Variants in NFIL3 observed in about 807,000 individuals in gnomAD.
The protein encoded by NFIL3 is nuclear factor, interleukin 3 regulated.
NFIL3 carries 5 observed loss-of-function variants against 10.0 expected under a neutral mutation model. The ratio of observed to expected loss-of-function variants is 0.50; its 90% CI spans 0.26 to 1.06. The LOEUF is 1.06. Among genes scored for constraint, NFIL3 ranks in the 50% least tolerant of loss-of-function variants. The pLI is 0.13. For synonymous variants in NFIL3, 202 were observed against 206.5 expected, an observed-to-expected ratio of 0.98 and a Z score of 0.19; for missense variants, 436 against 547.6, an observed-to-expected ratio of 0.80 and a Z score of 2.03.
At chr9:91,480,929 A>T in the NFIL3 span, among the ~76,000 whole-genome samples, 3 of 152,248 alleles carry the variant, frequency 2.0e-5, no homozygotes, top group Non-Finnish European at 4.4e-5. Context: ...AGGATGGGAC[A>T]GCTGACAGCG....
At chr9:91,439,741 A>C in the NFIL3 span, among the ~76,000 whole-genome samples, 1 of 152,146 alleles carries the variant, frequency 6.6e-6, no homozygotes, top group East Asian at 1.9e-4. Context: ...GACTTCGTTA[A>C]ATGCTTTTTC....
chr9:91,420,352 T>TACTCACAC lies in NFIL3; in HGVS notation c.-173+3287_-173+3288insGTGTGAGT, dbSNP rs1554727360. 2.5e-3 allele frequency among the ~76,000 whole-genome samples: 365 copies of TACTCACAC among 144,496 alleles called. 3 individuals are homozygous for TACTCACAC. Among genetic ancestry groups the TACTCACAC allele is most frequent in the Admixed American group, 3.9e-3 (57 of 14,528 alleles). The allele number at this position is 144,496 out of a possible 152,430, so 94.8% of individuals were successfully genotyped here. A position where few individuals can be genotyped will look rare whatever the true frequency, so the allele number is the denominator to read the frequency against. On this transcript the variant is annotated intron_variant, in intron 1 of 1. Coordinates refer to ENST00000297689, the MANE Select transcript of NFIL3 (RefSeq NM_005384.3). ...TTACAAAGAGAAAAATGAAGGTAAATACACACACACACACACACACACACA... is the reference window on the plus strand; with the variant it reads ...TTACAAAGAGAAAAATGAAGGTAAATACTCACACACACACACACACACACACACACACA...
chr9:91,424,963 C>T (rs1473718469), upstream of NFIL3, among the ~76,000 whole-genome samples: 2 of 152,214 alleles, frequency 1.3e-5, no homozygotes, highest in Admixed American at 1.3e-4. Context: ...CTTAAGTCGT[C>T]GCGCTAGACT....
chr9:91,433,036 T>C, the NFIL3 span, among the ~76,000 whole-genome samples: 1 of 152,216 alleles, frequency 6.6e-6, no homozygotes, highest in Non-Finnish European at 1.5e-5. Context: ...TTATTTGACA[T>C]CATTTTGAAG....
intron 1 of NFIL3, among the ~76,000 whole-genome samples, chr9:91,421,436 C>G (rs889742202): frequency 6.6e-6 from 1 of 152,190 alleles, no homozygotes; most frequent in South Asian, 2.1e-4. Flanking sequence ...CGCGCCAGAA[C>G]AAAGGAATGT....
chr9:91,456,521 C>G, the NFIL3 span, among the ~76,000 whole-genome samples: 2 of 152,076 alleles, frequency 1.3e-5, no homozygotes, highest in Middle Eastern at 3.2e-3. Flanking sequence ...TCTCATCTTT[C>G]CTGAAGTGTT....
rs1833524160 is a variant in NFIL3 at position 91,410,416 on chromosome 9, C to T, written c.319G>A (p.Ala107Thr). ...NDLVLENKLI[A>T]LGEENATLKA... ...AAAGTGGCGTTTTCTTCTCCCAGTG[C>T]AATTAGTTTGTTCTCTAAAACCAGG... is the stretch of plus-strand genomic sequence containing the variant. Residue 107 changes from alanine to threonine, a missense_variant, in exon 2 of 2, where the codon GCA (alanine) becomes ACA (threonine). Coordinates refer to ENST00000297689, the MANE Select transcript of NFIL3 (RefSeq NM_005384.3). The surrounding 1 kb of genome is among the most constrained non-coding windows in gnomAD (Gnocchi z 5.7). 6.2e-7 allele frequency: 1 copy of T among 1,613,682 alleles called. No individual in the cohort carries two copies. Among genetic ancestry groups the T allele is most frequent in the Admixed American group, 1.7e-5 (1 of 59,914 alleles).
intron 1 of NFIL3, among the ~76,000 whole-genome samples, chr9:91,411,727 G>T (rs1833553118): frequency 6.6e-6 from 1 of 152,126 alleles, no homozygotes; most frequent in African/African-American, 2.4e-5. Flanking sequence ...CAAGATTGAA[G>T]TATCCAAAAT....
At chr9:91,463,678 T>C in the NFIL3 span, among the ~76,000 whole-genome samples, 1 of 152,260 alleles carries the variant, frequency 6.6e-6, no homozygotes, top group South Asian at 2.1e-4. Context: ...TTAGAGCTAG[T>C]TGATTGGTAG....
At chr9:91,427,793 A>G (rs1564161572), upstream of NFIL3, among the ~76,000 whole-genome samples, 1 of 151,798 alleles carries the variant, frequency 6.6e-6, no homozygotes, top group African/African-American at 2.4e-5. Context: ...GGTGCACACT[A>G]CCATGCCTGG....
the NFIL3 span, among the ~76,000 whole-genome samples, chr9:91,472,919 C>T: frequency 6.6e-6 from 1 of 152,144 alleles, no homozygotes; most frequent in African/African-American, 2.4e-5. Flanking sequence ...GATGTTGATG[C>T]TATTCCTTTC....
At chr9:91,427,065 A>G (rs1444696628), upstream of NFIL3, 1 of 151,088 alleles carries the variant, frequency 6.6e-6, no homozygotes, top group Non-Finnish European at 1.5e-5. Context: ...ACTCAAAAGA[A>G]CGTTGACTTT....
chr9:91,459,632 C>T, the NFIL3 span, among the ~76,000 whole-genome samples: 1 of 152,176 alleles, frequency 6.6e-6, no homozygotes, highest in Admixed American at 6.5e-5. Flanking sequence ...CTGCAGTGAA[C>T]TATAATCATA....
At chr9:91,464,524 T>C in the NFIL3 span, among the ~76,000 whole-genome samples, 6 of 152,100 alleles carry the variant, frequency 3.9e-5, no homozygotes, top group Non-Finnish European at 8.8e-5. Flanking sequence ...TTATTATTGT[T>C]ACTTTAAACA....
chr9:91,421,242 G>GTCCCTGGCTCCCTGGCTCCCTGGC (rs201092809), intron 1 of NFIL3, among the ~76,000 whole-genome samples: 12 of 150,974 alleles, frequency 7.9e-5, no homozygotes, highest in East Asian at 3.9e-4. Flanking sequence ...GGGAGCCGGG[G>GTCCCTGGCTCCCTGGCTCCCTGGC]TCCCTGGCTC....
the NFIL3 span, among the ~76,000 whole-genome samples, chr9:91,429,530 T>A: frequency 6.6e-6 from 1 of 152,152 alleles, no homozygotes; most frequent in Non-Finnish European, 1.5e-5. Flanking sequence ...CACCAACTTT[T>A]GTCACTCCAG....
rs1554727360 is a variant in NFIL3 at position 91,420,352 on chromosome 9, T to TACTCAC, written c.-173+3287_-173+3288insGTGAGT. 7.7e-3 allele frequency among the ~76,000 whole-genome samples: 1,114 copies of TACTCAC among 144,492 alleles called. 11 individuals are homozygous for TACTCAC. Among genetic ancestry groups the TACTCAC allele is most frequent in the South Asian group, 0.022 (96 of 4,414 alleles). 94.8% of individuals were successfully genotyped at this position (144,492 alleles called of 152,430 possible). On this transcript the variant is annotated intron_variant, in intron 1 of 1. Coordinates refer to ENST00000297689, the MANE Select transcript of NFIL3 (RefSeq NM_005384.3). Reference sequence around the variant, plus strand: ...TTACAAAGAGAAAAATGAAGGTAAATACACACACACACACACACACACACA... The same window carrying TACTCAC: ...TTACAAAGAGAAAAATGAAGGTAAATACTCACACACACACACACACACACACACACA...
the NFIL3 span, among the ~76,000 whole-genome samples, chr9:91,469,245 T>G: frequency 6.6e-6 from 1 of 152,254 alleles, no homozygotes; most frequent in East Asian, 1.9e-4. Context: ...AGGTCCTTCA[T>G]GTCCCTTGTA....
At chr9:91,432,258 T>C in the NFIL3 span, among the ~76,000 whole-genome samples, 1 of 152,180 alleles carries the variant, frequency 6.6e-6, no homozygotes, top group African/African-American at 2.4e-5. Flanking sequence ...ATGTCCCAAA[T>C]CCCAGCCACA....
Sources: allele counts gnomAD v4.1 joint callset (sites outside exome capture counted in the v4.1 genomes callset), GRCh38; gene constraint gnomAD v4.1.1; non-coding constraint Gnocchi (gnomAD v3.1); transcripts MANE v1.5; gene names NCBI Gene and HGNC (gene_info 2026-07-23, HGNC 2026-07-21).